The following SOWAHB variants were observed in gnomAD, a reference collection of about 807,000 sequenced individuals.
The protein encoded by SOWAHB is sosondowah ankyrin repeat domain family member B.
SOWAHB carries 17 observed loss-of-function variants against 18.3 expected under a neutral mutation model. The ratio of observed to expected loss-of-function variants is 0.93; its 90% CI spans 0.64 to 1.40. The LOEUF is 1.40. Among genes scored for constraint, SOWAHB ranks in the 40% most tolerant of loss-of-function variants. SOWAHB has a pLI of 0.00. For missense variants in SOWAHB, 1,126 were observed against 1,033.7 expected, an observed-to-expected ratio of 1.09 and a Z score of -1.22; for synonymous variants, 496 against 448.1, an observed-to-expected ratio of 1.11 and a Z score of -1.35.
Position 76,895,278 on chromosome 4 carries a change from T to C in SOWAHB, c.*190A>G. ...TGTCTAGGTTTCTCCAGTCAAGGAG[T>C]TCAGCTTTCAAAAAGCTTGGATGAC... On this transcript the variant is annotated 3_prime_UTR_variant, in exon 1 of 1. Transcript: ENST00000334306. The C allele has an allele frequency of 5.4e-6, 3 of 557,168 alleles. No homozygotes were observed. In the South Asian group the frequency reaches 9.8e-5, roughly 18 times the overall value. The allele number at this position is 557,168 out of a possible 1,614,324, so 34.5% of individuals were successfully genotyped here. A position where few individuals can be genotyped will look rare whatever the true frequency, so the allele number is the denominator to read the frequency against.
In SOWAHB at chr4:76,897,133, C is replaced by A; in HGVS notation, c.717G>T (p.Arg239Ser). 6.5e-7 allele frequency: 1 copy of A among 1,543,312 alleles called. No homozygotes were observed. The highest frequency in any genetic ancestry group is 2.4e-5 in the East Asian group (1 of 41,794). ...CAGCTAGCGCGCCTTCTTCCCGCTC[C>A]CTGGAAGCCCCGCGGTCATCCTGGG... ...LPAQDDRGAS[R>S]EREEGALAEP... is the part of the protein sequence containing the mutation. The change falls in exon 1 of 1, where the codon AGG (arginine) becomes AGT (serine). Residue 239 changes from arginine to serine, a missense_variant. Arg to Ser is a moderately radical substitution (Grantham distance 110, BLOSUM62 -1). Transcript: ENST00000334306. The surrounding 1 kb of genome is among the most constrained non-coding windows in gnomAD (Gnocchi z 6.4).
At position 76,895,455 on chromosome 4, in the gene SOWAHB, A is replaced by C; in HGVS notation, c.*13T>G. Reference sequence around the variant, plus strand: ...AGGGAGTGCTGCCTGCATGTTGGACAGAGAGACCCACCTCAGTCACTATAC... The same window carrying C: ...AGGGAGTGCTGCCTGCATGTTGGACCGAGAGACCCACCTCAGTCACTATAC... On this transcript the variant is annotated 3_prime_UTR_variant, in exon 1 of 1. Transcript: ENST00000334306. The C allele has an allele frequency of 6.4e-7, 1 of 1,569,532 alleles. No homozygotes were observed. Among genetic ancestry groups the C allele is most frequent in the Non-Finnish European group, 8.6e-7 (1 of 1,156,524 alleles).
rs1004437356 is a variant in SOWAHB at position 76,896,846 on chromosome 4, A to C, written c.1004T>G (p.Phe335Cys). Residue 335 changes from phenylalanine to cysteine, a missense_variant, in exon 1 of 1, where the codon TTC becomes TGC. Transcript: ENST00000334306. ...IRAWSVLPDN[F>C]LQLPLEPGST... is the part of the protein sequence containing the mutation. ...GCCGGGTTCCAAGGGCAGCTGGAGG[A>C]AGTTGTCTGGCAGCACCGACCAGGC... The C allele has an allele frequency of 6.2e-7, 1 of 1,613,446 alleles. No homozygotes were observed. The highest frequency in any genetic ancestry group is 1.3e-5 in the African/African-American group (1 of 74,924).
rs1393928197 is a variant in SOWAHB, at chr4:76,897,362, G to T, written c.488C>A (p.Ser163Ter). ...CGGCCTCTGTCCGGGACTGCCCTTC[G>T]ATCCGCCGCCCTTCCCGGGCGCCCT... is the stretch of plus-strand genomic sequence containing the variant. ...SRRAPGKGGGSKGSPGQRPPV... is the reference protein window; with the variant it reads ...SRRAPGKGGG Residue 163 changes from serine (S) to a stop codon, truncating the protein, a stop_gained, in exon 1 of 1, where the codon TCG (serine) becomes TAG (stop). Transcript: ENST00000334306. LOFTEE classifies it low-confidence loss of function (END_TRUNC). The surrounding 1 kb of genome is among the most constrained non-coding windows in gnomAD (Gnocchi z 6.4). 3 of 1,530,886 alleles carry T rather than the reference G, an allele frequency of 2.0e-6. No individual in the cohort carries two copies. The highest frequency in any genetic ancestry group is 2.0e-5 in the Admixed American group (1 of 51,174). 94.8% of individuals were successfully genotyped at this position (1,530,886 alleles called of 1,614,324 possible). A position where few individuals can be genotyped will look rare whatever the true frequency, so the allele number is the denominator to read the frequency against.
rs1719924647 is a variant in SOWAHB at position 76,896,734 on chromosome 4, G to T, written c.1116C>A (p.Ser372=). Residue 372 remains serine, a synonymous_variant, in exon 1 of 1, where the codon TCC becomes TCA. Transcript: ENST00000334306. The part of the protein sequence containing the change: ...FPVVPDESWE[S]WAGNPSLTVF... ...CAGTCAATGAAGGGTTCCCCGCCCA[G>T]GATTCCCAGGACTCATCCGGAACAA... 19 of 1,613,910 alleles carry T rather than the reference G, an allele frequency of 1.2e-5. No homozygotes were observed. Among genetic ancestry groups the T allele is most frequent in the Non-Finnish European group, 1.6e-5 (19 of 1,180,018 alleles).
Position 76,896,413 on chromosome 4 carries a change from G to A in SOWAHB, c.1437C>T (p.Gly479=). The part of the protein sequence containing the change: ...QVPAGANGLA[G]HPLKPLPWPV... ...GCCAAGGCAAAGGCTTCAGGGGGTG[G>A]CCTGCAAGGCCATTAGCCCCTGCAG... Residue 479 remains glycine (G), a synonymous_variant, in exon 1 of 1, where the codon GGC becomes GGT. Transcript: ENST00000334306. 6.2e-7 allele frequency: 1 copy of A among 1,602,056 alleles called. No individual in the cohort carries two copies. The highest frequency in any genetic ancestry group is 8.5e-7 in the Non-Finnish European group (1 of 1,173,752).
chr4:76,897,588 G>C lies in SOWAHB; in HGVS notation c.262C>G (p.Arg88Gly). ...RDLLGEEGLQRPREPPAAAPS... is the reference protein window; with the variant it reads ...RDLLGEEGLQGPREPPAAAPS... ...GCGGCCGCGGGCGGCTCGCGGGGTC[G>C]CTGCAGCCCCTCCTCCCCCAAAAGG... is the stretch of plus-strand genomic sequence containing the variant. The change falls in exon 1 of 1, where the codon CGA (arginine) becomes GGA (glycine). Residue 88 changes from arginine (R) to glycine (G), a missense_variant. Transcript: ENST00000334306. This position sits in a 1 kb window ranked among gnomAD's most constrained non-coding sequence, Gnocchi z 6.4. 1 of 1,604,694 alleles carries C rather than the reference G, an allele frequency of 6.2e-7. No individual in the cohort carries two copies. Among genetic ancestry groups the C allele is most frequent in the Non-Finnish European group, 8.5e-7 (1 of 1,178,332 alleles).
chr4:76,895,899 C>T lies in SOWAHB; in HGVS notation c.1951G>A (p.Val651Met). Reference protein sequence around the residue: ...HGDLRALQDLVSGAKKAGIVL... With the variant: ...HGDLRALQDLMSGAKKAGIVL... ...ATCCCTGCCTTCTTTGCTCCAGACA[C>T]CAAGTCCTGAAGGGCCCTGAGGTCA... The change falls in exon 1 of 1, where the codon GTG becomes ATG. Residue 651 changes from valine (V) to methionine (M), a missense_variant. By Grantham distance (21) the Val-to-Met change is conservative. Transcript: ENST00000334306. The T allele has an allele frequency of 6.2e-7, 1 of 1,614,194 alleles. No homozygotes were observed. Among genetic ancestry groups the T allele is most frequent in the African/African-American group, 1.3e-5 (1 of 75,066 alleles).
In SOWAHB at chr4:76,894,636, G is replaced by A. The variant is rs145420088; in HGVS notation, c.*832C>T. Among the ~76,000 whole-genome samples the A allele has an allele frequency of 6.6e-6, 1 of 152,272 alleles. No individual in the cohort carries two copies. Among genetic ancestry groups the A allele is most frequent in the Non-Finnish European group, 1.5e-5 (1 of 68,012 alleles). ...AAAACTAGTAACGATAATTCTGTTT[G>A]TTACACAGGGAGTTTCCATGAAAGA... On this transcript the variant is annotated 3_prime_UTR_variant, in exon 1 of 1. Coordinates refer to ENST00000334306, the MANE Select transcript of SOWAHB (RefSeq NM_001029870.3).
Position 76,896,542 on chromosome 4 carries a change from C to T in SOWAHB, c.1308G>A (p.Arg436=). ...ATACAGAAAGGCCCCCAGCTGGATT[C>T]CTGAGCTTCCCCCTATCTGGGGTTC... is the stretch of plus-strand genomic sequence containing the variant. The part of the protein sequence containing the change: ...VLGTPDRGKL[R]NPAGGLSVSR... The change falls in exon 1 of 1, where the codon AGG becomes AGA. Residue 436 remains arginine, a synonymous_variant. Coordinates refer to ENST00000334306, the MANE Select transcript of SOWAHB (RefSeq NM_001029870.3). The T allele has an allele frequency of 6.2e-7, 1 of 1,613,256 alleles. No homozygotes were observed. Among genetic ancestry groups the T allele is most frequent in the African/African-American group, 1.3e-5 (1 of 75,056 alleles).
Position 76,897,634 on chromosome 4 carries a change from C to T in SOWAHB, c.216G>A (p.Val72=), listed in dbSNP as rs1719966803. 1.9e-6 allele frequency: 3 copies of T among 1,612,068 alleles called. No individual in the cohort carries two copies. Among genetic ancestry groups the T allele is most frequent in the Non-Finnish European group, 2.5e-6 (3 of 1,179,870 alleles). The change falls in exon 1 of 1, where the codon GTG becomes GTA. Residue 72 remains valine, a synonymous_variant. Coordinates refer to ENST00000334306, the MANE Select transcript of SOWAHB (RefSeq NM_001029870.3). This position sits in a 1 kb window ranked among gnomAD's most constrained non-coding sequence, Gnocchi z 6.4. ...RQDPDGTKYV[V]LKRRYRDLLG... ...AAAGGTCCCTGTATCTCCTCTTGAG[C>T]ACCACGTACTTGGTGCCGTCGGGGT... is the stretch of plus-strand genomic sequence containing the variant.
chr4:76,896,722 G>A lies in SOWAHB; in HGVS notation c.1128C>T (p.Asn376=), dbSNP rs776424263. Residue 376 remains asparagine, a synonymous_variant, in exon 1 of 1, where the codon AAC becomes AAT. Coordinates refer to ENST00000334306, the MANE Select transcript of SOWAHB (RefSeq NM_001029870.3). ...PDESWESWAG[N]PSLTVFRSIR... Reference sequence around the variant, plus strand: ...TGCTGCGAAAGACAGTCAATGAAGGGTTCCCCGCCCAGGATTCCCAGGACT... The same window carrying A: ...TGCTGCGAAAGACAGTCAATGAAGGATTCCCCGCCCAGGATTCCCAGGACT... The A allele has an allele frequency of 3.1e-5, 50 of 1,613,852 alleles. No individual in the cohort carries two copies. Among genetic ancestry groups the A allele is most frequent in the Non-Finnish European group, 4.2e-5 (50 of 1,180,018 alleles).
rs1251167616 is a variant in SOWAHB, at chr4:76,897,408, G to A, written c.442C>T (p.Leu148Phe). ...ARAADAACNG[L>F]PGSDSRRAPG... is the part of the protein sequence containing the mutation. ...GCCCTACGGGAGTCGCTGCCCGGGA[G>A]TCCATTGCAAGCTGCGTCGGCGGCT... Residue 148 changes from leucine (L) to phenylalanine (F), a missense_variant, in exon 1 of 1, where the codon CTC (leucine) becomes TTC (phenylalanine). By Grantham distance (22) the Leu-to-Phe change is conservative (BLOSUM62 0). Transcript: ENST00000334306. The surrounding 1 kb of genome is among the most constrained non-coding windows in gnomAD (Gnocchi z 6.4). 4 of 1,523,450 alleles carry A rather than the reference G, an allele frequency of 2.6e-6. No individual in the cohort carries two copies. The South Asian group carries it at 3.6e-5, about 14-fold the overall frequency. 94.4% of individuals were successfully genotyped at this position (1,523,450 alleles called of 1,614,324 possible). A position where few individuals can be genotyped will look rare whatever the true frequency, so the allele number is the denominator to read the frequency against.
rs1578083017 is a variant in SOWAHB, at chr4:76,897,316, C to A, written c.534G>T (p.Ala178=). 3 of 1,539,504 alleles carry A rather than the reference C, an allele frequency of 1.9e-6. No homozygotes were observed. Among genetic ancestry groups the A allele is most frequent in the Admixed American group, 1.9e-5 (1 of 51,778 alleles). Residue 178 remains alanine, a synonymous_variant, in exon 1 of 1, where the codon GCG becomes GCT. Transcript: ENST00000334306. The surrounding 1 kb of genome is among the most constrained non-coding windows in gnomAD (Gnocchi z 6.4). ...AGCTCGCTCTCGCCTGGGCCCCTGC[C>A]GCTGCAGCTGCGGGCACCGGCGGCC... ...GQRPPVPAAA[A]AGAQARASCA... is the part of the protein sequence containing the mutation.
In SOWAHB at chr4:76,896,281, A is replaced by ACTT; in HGVS notation, c.1566_1568dup (p.Arg522dup). ...GCTTCCTGGATCGAGGTGGGCGCCGACTTCTTTTCAGCAAGCCCTCATCGA... is the reference window on the plus strand; with the variant it reads ...GCTTCCTGGATCGAGGTGGGCGCCGACTTCTTCTTTTCAGCAAGCCCTCATCGA... On this transcript the variant is annotated inframe_insertion, in exon 1 of 1. Coordinates refer to ENST00000334306, the MANE Select transcript of SOWAHB (RefSeq NM_001029870.3). The ACTT allele has an allele frequency of 6.2e-7, 1 of 1,607,152 alleles. No individual in the cohort carries two copies. Among genetic ancestry groups the ACTT allele is most frequent in the South Asian group, 1.1e-5 (1 of 90,734 alleles).
In SOWAHB at chr4:76,896,210, A is replaced by C; in HGVS notation, c.1640T>G (p.Leu547Ter). ...TAPSPRVDAG[L>*]SLKLAEVKAV... ...CTTAACCTCTGCAAGTTTTAGTGAT[A>C]AACCTGCATCAACCCTTGGGCTGGG... is the stretch of plus-strand genomic sequence containing the variant. Residue 547 changes from leucine to a stop codon, truncating the protein, a stop_gained, in exon 1 of 1, where the codon TTA becomes TGA. Coordinates refer to ENST00000334306, the MANE Select transcript of SOWAHB (RefSeq NM_001029870.3). LOFTEE classifies it high-confidence loss of function. 2 of 1,565,232 alleles carry C rather than the reference A, an allele frequency of 1.3e-6. No individual in the cohort carries two copies. Among genetic ancestry groups the C allele is most frequent in the Non-Finnish European group, 1.7e-6 (2 of 1,154,918 alleles).
In SOWAHB at chr4:76,897,551, C is replaced by T. The variant is rs2109845842; in HGVS notation, c.299G>A (p.Gly100Glu). 6.4e-7 allele frequency: 1 copy of T among 1,559,782 alleles called. No homozygotes were observed. Among genetic ancestry groups the T allele is most frequent in the South Asian group, 1.2e-5 (1 of 85,404 alleles). ...TCGCGGGGAGCAGGGCGCAGCTCCC[C>T]CTGCACTGGGGGCGGCCGCGGGCGG... ...REPPAAAPSA[G>E]GAAPCSPRGA... The change falls in exon 1 of 1, where the codon GGG (glycine) becomes GAG (glutamate). Residue 100 changes from glycine (G) to glutamate (E), a missense_variant. Gly to Glu is a moderately conservative substitution (Grantham distance 98, BLOSUM62 -2). Coordinates refer to ENST00000334306, the MANE Select transcript of SOWAHB (RefSeq NM_001029870.3). The surrounding 1 kb of genome is among the most constrained non-coding windows in gnomAD (Gnocchi z 6.4).
rs1012064051 is a variant in SOWAHB, at chr4:76,897,514, C to G, written c.336G>C (p.Arg112=). ...AAPCSPRGAR[R]GEPPQQQPRR... is the part of the protein sequence containing the mutation. ...TGGGCTGCTGCTGGGGCGGCTCCCC[C>G]CGGCGCGCGCCTCGCGGGGAGCAGG... is the stretch of plus-strand genomic sequence containing the variant. Residue 112 remains arginine, a synonymous_variant, in exon 1 of 1, where the codon CGG becomes CGC. Transcript: ENST00000334306. This position sits in a 1 kb window ranked among gnomAD's most constrained non-coding sequence, Gnocchi z 6.4. The G allele has an allele frequency of 5.7e-5, 81 of 1,418,698 alleles. No individual in the cohort carries two copies. The highest frequency in any genetic ancestry group is 3.8e-4 in the South Asian group (25 of 65,256). 87.9% of individuals were successfully genotyped at this position (1,418,698 alleles called of 1,614,324 possible).
In SOWAHB at chr4:76,895,579, G is replaced by A. The variant is rs1315328535; in HGVS notation, c.2271C>T (p.Thr757=). ...GTAGTGCAGCGAAGGAAGTTTTTCGGGTGACACTTCTAGATATTTCCTTGC... is the reference window on the plus strand; with the variant it reads ...GTAGTGCAGCGAAGGAAGTTTTTCGAGTGACACTTCTAGATATTTCCTTGC... ...AKSKEISRSV[T]RKTSFAALLK... Residue 757 remains threonine, a synonymous_variant, in exon 1 of 1, where the codon ACC becomes ACT. Coordinates refer to ENST00000334306, the MANE Select transcript of SOWAHB (RefSeq NM_001029870.3). The A allele has an allele frequency of 2.5e-6, 4 of 1,614,078 alleles. No homozygotes were observed. The highest frequency in any genetic ancestry group is 3.4e-6 in the Non-Finnish European group (4 of 1,180,046).
Sources: allele counts gnomAD v4.1 joint callset (sites outside exome capture counted in the v4.1 genomes callset), GRCh38; gene constraint gnomAD v4.1.1; non-coding constraint Gnocchi (gnomAD v3.1); transcripts MANE v1.5; gene names NCBI Gene and HGNC (gene_info 2026-07-23, HGNC 2026-07-21).